The following DACH1 variants were observed in gnomAD, a reference collection of about 807,000 sequenced individuals.
DACH1 encodes dachshund family transcription factor 1.
In DACH1, 12 loss-of-function variants were observed where a neutral mutation model predicts 54.2. The ratio of observed to expected loss-of-function variants is 0.22; its 90% CI spans 0.14 to 0.36. The LOEUF (loss-of-function observed/expected upper bound fraction) is 0.36, where lower values mean the gene tolerates loss of function less well. Among genes scored for constraint, DACH1 ranks in the 10% least tolerant of loss-of-function variants. DACH1 has a pLI of 1.00. For missense variants in DACH1, 805 were observed against 929.8 expected (o/e 0.87, Z 1.75); for synonymous variants, 386 against 366.2 (o/e 1.05, Z -0.62).
intron 3 of DACH1, among the ~76,000 whole-genome samples, chr13:71,625,308 C>T (rs1042462065): frequency 6.6e-6 from 1 of 151,946 alleles, no homozygotes; most frequent in African/African-American, 2.4e-5. Flanking sequence ...TGCTTGGTGG[C>T]CTGCGTTCTC....
chr13:71,801,874 G>A (rs1377594066), intron 1 of DACH1, among the ~76,000 whole-genome samples: 5 of 151,094 alleles, frequency 3.3e-5, no homozygotes, highest in East Asian at 1.9e-4. Flanking sequence ...AACTTCCAAA[G>A]GTTTGGAATC....
At chr13:71,660,140 T>A (rs975522917) in intron 2 of DACH1, among the ~76,000 whole-genome samples, 1 of 152,006 alleles carries the variant, frequency 6.6e-6, no homozygotes, top group African/African-American at 2.4e-5. Flanking sequence ...CAAAATAAAA[T>A]AAAATCAATT....
intron 2 of DACH1, among the ~76,000 whole-genome samples, chr13:71,672,652 C>T (rs2138679711): frequency 6.6e-6 from 1 of 152,166 alleles, no homozygotes. Flanking sequence ...GTTTATCTTG[C>T]TTTGCACTAA....
At chr13:71,586,763 C>G (rs1230507510) in intron 3 of DACH1, among the ~76,000 whole-genome samples, 1 of 151,954 alleles carries the variant, frequency 6.6e-6, no homozygotes, top group Admixed American at 6.6e-5. Flanking sequence ...GCATGATGAG[C>G]CTTCATTCTG....
chr13:71,609,115 T>C lies in DACH1; in HGVS notation c.1126+21441A>G, dbSNP rs75653340. Reference sequence around the variant, plus strand: ...TAAATATATTAAGCAACATCAACAATAGTATAAAATTTATTCTAAACCACC... The same window carrying C: ...TAAATATATTAAGCAACATCAACAACAGTATAAAATTTATTCTAAACCACC... On this transcript the variant is annotated intron_variant, in intron 3 of 10. Transcript: ENST00000613252. 6.5e-3 allele frequency among the ~76,000 whole-genome samples: 996 copies of C among 152,186 alleles called. 37 individuals carry two copies. The highest frequency in any genetic ancestry group is 3.1e-3 in the East Asian group (16 of 5,184).
In DACH1 at chr13:71,866,269, G is replaced by T. The variant is rs1206690652; in HGVS notation, c.501C>A (p.Leu167=). The T allele has an allele frequency of 1.9e-6, 3 of 1,596,748 alleles. No individual in the cohort carries two copies. The highest frequency in any genetic ancestry group is 1.8e-5 in the Admixed American group (1 of 57,116). ...SSSSSSSCGP[L]PGKPVYSTPS... ...GGGTTGAGTACACGGGTTTCCCGGG[G>T]AGGGGGCCGCAGCTGCTGCTGCTAC... The change falls in exon 1 of 11, where the codon CTC becomes CTA. Residue 167 remains leucine, a synonymous_variant. Transcript: ENST00000613252.
chr13:71,474,469 C>T (rs559463959), intron 10 of DACH1, among the ~76,000 whole-genome samples: 52 of 152,186 alleles, frequency 3.4e-4, no homozygotes, highest in East Asian at 1.7e-3. Flanking sequence ...TTGAATTTGT[C>T]GTCTGGAATA....
intron 1 of DACH1, among the ~76,000 whole-genome samples, chr13:71,847,376 A>T (rs969690409): frequency 6.6e-6 from 1 of 152,170 alleles, no homozygotes; most frequent in South Asian, 2.1e-4. Flanking sequence ...TTATAAGTCT[A>T]TTGCATTTAT....
chr13:71,837,939 G>A (rs1888861786), intron 1 of DACH1, among the ~76,000 whole-genome samples: 1 of 138,302 alleles, frequency 7.2e-6, no homozygotes, highest in Admixed American at 7.9e-5. Flanking sequence ...TCACTCATAG[G>A]TGGGAATTGA....
At chr13:71,746,636 TAAACAAAC>T (rs113135423) in intron 1 of DACH1, among the ~76,000 whole-genome samples, 19 of 151,896 alleles carry the variant, frequency 1.3e-4, no homozygotes, top group African/African-American at 4.6e-4. Flanking sequence ...AGAAATGGTA[TAAACAAAC>T]AAACAAACAA....
chr13:71,728,961 T>C (rs1883608395), intron 1 of DACH1, among the ~76,000 whole-genome samples: 1 of 152,066 alleles, frequency 6.6e-6, no homozygotes, highest in Non-Finnish European at 1.5e-5. Context: ...TCAGCTTCCT[T>C]ACTCAGTGTA....
At position 71,618,305 on chromosome 13, in the gene DACH1, T is replaced by C. The variant is rs148755384; in HGVS notation, c.1126+12251A>G. 3.2e-4 allele frequency among the ~76,000 whole-genome samples: 48 copies of C among 152,144 alleles called. 1 individual carries two copies. In the East Asian group the frequency reaches 8.3e-3, roughly 26 times the overall value. ...ATATCAACATGGATTAAGCCAATTA[T>C]AGGACACATCTTTCTTAGTTGATAG... is the stretch of plus-strand genomic sequence containing the variant. On this transcript the variant is annotated intron_variant, in intron 3 of 10. Coordinates refer to ENST00000613252, the MANE Select transcript of DACH1 (RefSeq NM_080759.6).
At chr13:71,615,125 T>A (rs1745996199) in intron 3 of DACH1, among the ~76,000 whole-genome samples, 1 of 152,074 alleles carries the variant, frequency 6.6e-6, no homozygotes, top group African/African-American at 2.4e-5. Context: ...CTGTAAAACT[T>A]AAACTATAAA....
intron 1 of DACH1, among the ~76,000 whole-genome samples, chr13:71,699,781 T>C (rs1882020292): frequency 6.6e-6 from 1 of 152,234 alleles, no homozygotes; most frequent in Admixed American, 6.5e-5. Flanking sequence ...TGGTCTTATT[T>C]ATAGGAACGC....
At chr13:71,607,736 G>A (rs1227766532) in intron 3 of DACH1, among the ~76,000 whole-genome samples, 1 of 152,028 alleles carries the variant, frequency 6.6e-6, no homozygotes, top group Non-Finnish European at 1.5e-5. Context: ...ATGAGCAACA[G>A]CACACATGTT....
rs374655810 is a variant in DACH1, at chr13:71,693,436, GGGACTATAGGT to G, written c.849-11537_849-11527del. 3.5e-3 allele frequency among the ~76,000 whole-genome samples: 515 copies of G among 148,598 alleles called. 2 individuals are homozygous for G. The highest frequency in any genetic ancestry group is 0.012 in the African/African-American group (485 of 40,270). On this transcript the variant is annotated intron_variant, in intron 1 of 10. Transcript: ENST00000613252. ...TCCTGCCTCAGCCTCCCGAGTAGCTGGGACTATAGGTGCTCACCACCACGCCCGGCAAATTT... is the reference window on the plus strand; with the variant it reads ...TCCTGCCTCAGCCTCCCGAGTAGCTGGCTCACCACCACGCCCGGCAAATTT...
intron 1 of DACH1, among the ~76,000 whole-genome samples, chr13:71,779,733 C>G (rs966494867): frequency 2.6e-5 from 4 of 152,034 alleles, no homozygotes; most frequent in African/African-American, 9.7e-5. Context: ...CAGATCTCTT[C>G]TTTGACATCT....
chr13:71,605,512 T>C (rs907624011), intron 3 of DACH1, among the ~76,000 whole-genome samples: 3 of 151,898 alleles, frequency 2.0e-5, no homozygotes, highest in South Asian at 2.1e-4. Flanking sequence ...TGAATGAATA[T>C]ACTAAATGTG....
chr13:71,545,221 A>C (rs1883383709), intron 6 of DACH1, among the ~76,000 whole-genome samples: 1 of 152,080 alleles, frequency 6.6e-6, no homozygotes, highest in Non-Finnish European at 1.5e-5. Flanking sequence ...ACTTAAATAG[A>C]GAAGTCTAAT....
Sources: gnomAD v4.1 joint callset for allele counts (sites outside exome capture counted in the v4.1 genomes callset) on GRCh38, gnomAD v4.1.1 for gene constraint, MANE v1.5 for transcripts, NCBI Gene and HGNC (gene_info 2026-07-23, HGNC 2026-07-21) for gene names.